Variants in DISC1 observed in about 807,000 individuals in gnomAD.
The protein encoded by DISC1 is disrupted in schizophrenia 1 protein.
In DISC1, 57 loss-of-function variants were observed where a neutral mutation model predicts 84.5. The ratio of observed to expected loss-of-function variants is 0.67; its 90% CI spans 0.55 to 0.84. DISC1 has a LOEUF of 0.84. Ranked by LOEUF, DISC1 falls within the 40% of genes least tolerant of loss-of-function variation. DISC1 has a pLI of 0.00. For synonymous variants in DISC1, 411 were observed against 415.2 expected (o/e 0.99, Z 0.12); for missense variants, 1,000 against 1,057.8 (o/e 0.95, Z 0.76).
At chr1:231,994,167 T>C (rs1008647040) in intron 10 of DISC1, among the ~76,000 whole-genome samples, 1 of 152,226 alleles carries the variant, frequency 6.6e-6, no homozygotes, top group Non-Finnish European at 1.5e-5. Flanking sequence ...TGCCTGGGCA[T>C]TTCTCTGCAC....
At chr1:231,941,819 T>C (rs1486470908) in intron 9 of DISC1, among the ~76,000 whole-genome samples, 2 of 152,092 alleles carry the variant, frequency 1.3e-5, no homozygotes, top group East Asian at 3.9e-4. Flanking sequence ...ACAAAAAATA[T>C]ATAATTGTTA....
chr1:231,883,688 G>A (rs1179839193), intron 9 of DISC1, among the ~76,000 whole-genome samples: 1 of 152,182 alleles, frequency 6.6e-6, no homozygotes, highest in East Asian at 1.9e-4. Flanking sequence ...CCTGGTGAGA[G>A]CTGGTGAGAG....
chr1:231,645,280 A>C (rs1371790084), intron 1 of DISC1, among the ~76,000 whole-genome samples: 1 of 152,108 alleles, frequency 6.6e-6, no homozygotes, highest in African/African-American at 2.4e-5. Context: ...ACCGGTCATC[A>C]TGCTGGTGTG....
intron 11 of DISC1, among the ~76,000 whole-genome samples, chr1:232,011,398 G>A (rs1369715765): frequency 6.6e-6 from 1 of 152,190 alleles, no homozygotes; most frequent in Non-Finnish European, 1.5e-5. Flanking sequence ...TTGGGGGTGA[G>A]TGGGTGCTTT....
intron 3 of DISC1, among the ~76,000 whole-genome samples, chr1:231,703,326 G>A (rs2066640141): frequency 6.6e-6 from 1 of 152,166 alleles, no homozygotes; most frequent in Non-Finnish European, 1.5e-5. Context: ...CGGAGGCAGG[G>A]GAAGGCACCC....
At chr1:231,994,165 C>T (rs919206280) in intron 10 of DISC1, among the ~76,000 whole-genome samples, 1 of 152,228 alleles carries the variant, frequency 6.6e-6, no homozygotes, top group Non-Finnish European at 1.5e-5. Context: ...CTTGCCTGGG[C>T]ATTTCTCTGC....
intron 9 of DISC1, among the ~76,000 whole-genome samples, chr1:231,893,410 T>C (rs1558700370): frequency 6.6e-6 from 1 of 152,166 alleles, no homozygotes; most frequent in Admixed American, 6.5e-5. Flanking sequence ...CAGCATAAAA[T>C]AACAGAGTAT....
At chr1:231,659,425 C>A (rs945995014) in intron 1 of DISC1, among the ~76,000 whole-genome samples, 3 of 151,772 alleles carry the variant, frequency 2.0e-5, no homozygotes, top group Non-Finnish European at 2.9e-5. Flanking sequence ...TTCAAAAAAC[C>A]AGTTTCTGGA....
chr1:231,721,590 G>A (rs2069716549), intron 3 of DISC1, among the ~76,000 whole-genome samples: 2 of 151,456 alleles, frequency 1.3e-5, no homozygotes, highest in Non-Finnish European at 2.9e-5. Context: ...TTGGCAACCT[G>A]GGGTTGCTGA....
At chr1:231,994,453 G>A (rs1393816081) in intron 10 of DISC1, among the ~76,000 whole-genome samples, 4 of 152,214 alleles carry the variant, frequency 2.6e-5, no homozygotes, top group Non-Finnish European at 5.9e-5. Flanking sequence ...CTCCAAGGAA[G>A]GCACCAAGGT....
chr1:231,716,158 T>G (rs1039592220), intron 3 of DISC1, among the ~76,000 whole-genome samples: 14 of 152,080 alleles, frequency 9.2e-5, no homozygotes, highest in Admixed American at 9.2e-4. Flanking sequence ...GGGTGCTACA[T>G]GTTAGAAAAC....
At chr1:232,013,775 G>A (rs142941706) in intron 11 of DISC1, among the ~76,000 whole-genome samples, 123 of 152,186 alleles carry the variant, frequency 8.1e-4, no homozygotes, top group African/African-American at 2.7e-3. Flanking sequence ...GTATGGGGCC[G>A]GACTCCTCTA....
At chr1:231,945,702 A>G (rs1572243386) in intron 9 of DISC1, among the ~76,000 whole-genome samples, 1 of 151,500 alleles carries the variant, frequency 6.6e-6, no homozygotes, top group Admixed American at 6.6e-5. Context: ...TCAACAAGAC[A>G]GATAGACCAC....
intron 6 of DISC1, among the ~76,000 whole-genome samples, chr1:231,775,212 A>G (rs1288347848): frequency 1.3e-5 from 2 of 152,258 alleles, no homozygotes; most frequent in Middle Eastern, 3.2e-3. Flanking sequence ...AATTTACTCA[A>G]CTTTCTAACA....
intron 9 of DISC1, 114 bp from the exon 10 acceptor site, chr1:231,958,714 T>TA (rs1659956108): frequency 6.7e-6 from 7 of 1,051,724 alleles, no homozygotes; most frequent in Non-Finnish European, 1.0e-5. Flanking sequence ...CATAGAATGT[T>TA]ACGATTACTA....
At chr1:231,909,443 C>G (rs906901023) in intron 9 of DISC1, among the ~76,000 whole-genome samples, 4 of 152,134 alleles carry the variant, frequency 2.6e-5, no homozygotes, top group African/African-American at 9.7e-5. Flanking sequence ...TGGTTTTTCT[C>G]TTTGGTTCTG....
At chr1:231,644,541 G>T (rs200170648) in intron 1 of DISC1, among the ~76,000 whole-genome samples, 1 of 152,132 alleles carries the variant, frequency 6.6e-6, no homozygotes, top group Non-Finnish European at 1.5e-5. Flanking sequence ...GTAAGGAAGG[G>T]GTGAGTTGGA....
At chr1:231,894,491 C>A (rs572824504) in intron 9 of DISC1, among the ~76,000 whole-genome samples, 41 of 151,934 alleles carry the variant, frequency 2.7e-4, no homozygotes, top group African/African-American at 9.6e-4. Context: ...AATAAGATGA[C>A]TTTATCTTTT....
intron 9 of DISC1, among the ~76,000 whole-genome samples, chr1:231,843,268 A>G (rs80336062): frequency 1.2e-3 from 186 of 152,316 alleles, no homozygotes; most frequent in African/African-American, 4.3e-3. Flanking sequence ...CCTTATGGGG[A>G]CCGCAAGAAG....
Sources: gnomAD v4.1 joint callset for allele counts (sites outside exome capture counted in the v4.1 genomes callset) on GRCh38, gnomAD v4.1.1 for gene constraint, MANE v1.5 for transcripts, NCBI Gene and HGNC (gene_info 2026-07-23, HGNC 2026-07-21) for gene names.